Variants in BSN observed in about 807,000 individuals in gnomAD.
BSN encodes the protein bassoon presynaptic cytomatrix protein.
Under a neutral mutation model 264.8 loss-of-function variants are expected in BSN, and 57 were observed. The ratio of observed to expected loss-of-function variants is 0.22; its 90% CI spans 0.17 to 0.27. The LOEUF (loss-of-function observed/expected upper bound fraction) is 0.27. Ranked by LOEUF, BSN falls within the 10% of genes least tolerant of loss-of-function variation. The pLI is 1.00. For synonymous variants in BSN, 2,059 were observed against 2,137.3 expected, an observed-to-expected ratio of 0.96 and a Z score of 1.01; for missense variants, 4,615 against 5,232.5, an observed-to-expected ratio of 0.88 and a Z score of 3.64.
Position 49,624,878 on chromosome 3 carries a change from G to A in BSN, c.225-97G>A, listed in dbSNP as rs573611462. 263 of 1,155,574 alleles carry A rather than the reference G, an allele frequency of 2.3e-4. 1 individual carries two copies. In the South Asian group the frequency reaches 2.9e-3, roughly 13 times the overall value. The allele number at this position is 1,155,574 out of a possible 1,614,324, so 71.6% of individuals were successfully genotyped here. ...TCTTCTGGGCAGGAGGAAGAGGGTG[G>A]TGATGGGGCTTGGCAGGGTCACCTA... is the stretch of plus-strand genomic sequence containing the variant. On this transcript the variant is annotated intron_variant, in intron 1 of 11. Coordinates refer to ENST00000296452, the MANE Select transcript of BSN (RefSeq NM_003458.4).
chr3:49,562,778 C>A (rs752844331), intron 1 of BSN, among the ~76,000 whole-genome samples: 2 of 152,062 alleles, frequency 1.3e-5, no homozygotes, highest in African/African-American at 2.4e-5. Flanking sequence ...GGGAAAGGGT[C>A]AGAAAGTAGG....
At position 49,654,440 on chromosome 3, in the gene BSN, A is replaced by T. The variant is rs755420227; in HGVS notation, c.4884A>T (p.Ala1628=). Residue 1628 remains alanine, a synonymous_variant, in exon 5 of 12, where the codon GCA becomes GCT. Transcript: ENST00000296452. This position sits in a 1 kb window ranked among gnomAD's most constrained non-coding sequence, Gnocchi z 4.1. ...VPSAGADGPL[A]LYGWGALPAE... The stretch of plus-strand genomic sequence containing the variant: ...GTGCTGGTGCAGATGGGCCCCTGGC[A>T]CTATATGGCTGGGGTGCCCTCCCTG... 54 of 1,601,738 alleles carry T rather than the reference A, an allele frequency of 3.4e-5. No individual in the cohort carries two copies. The highest frequency in any genetic ancestry group is 3.4e-6 in the Non-Finnish European group (4 of 1,174,768).
At chr3:49,644,035 C>T (rs2052487740) in intron 3 of BSN, among the ~76,000 whole-genome samples, 1 of 152,192 alleles carries the variant, frequency 6.6e-6, no homozygotes, top group African/African-American at 2.4e-5. Flanking sequence ...TTCTGCTCCT[C>T]CCTCAGTCCT....
At chr3:49,555,179 C>A (rs2051655600) in intron 1 of BSN, among the ~76,000 whole-genome samples, 1 of 152,198 alleles carries the variant, frequency 6.6e-6, no homozygotes, top group South Asian at 2.1e-4. Flanking sequence ...TGGAAAACGT[C>A]CTCCCTGTCT....
At position 49,656,133 on chromosome 3, in the gene BSN, A is replaced by G; in HGVS notation, c.6577A>G (p.Met2193Val). The G allele has an allele frequency of 6.2e-7, 1 of 1,613,014 alleles. No homozygotes were observed. Among genetic ancestry groups the G allele is most frequent in the Non-Finnish European group, 8.5e-7 (1 of 1,179,970 alleles). Residue 2193 changes from methionine to valine, a missense_variant, in exon 5 of 12, where the codon ATG becomes GTG. Met to Val is a conservative substitution (Grantham distance 21). Coordinates refer to ENST00000296452, the MANE Select transcript of BSN (RefSeq NM_003458.4). ...STATVRAADG[M>V]IYSTINTPIA... Reference sequence around the variant, plus strand: ...AGCCACTGTACGTGCAGCTGATGGCATGATCTACTCGACTATCAATACCCC... The same window carrying G: ...AGCCACTGTACGTGCAGCTGATGGCGTGATCTACTCGACTATCAATACCCC...
At chr3:49,629,662 G>A (rs1223274042) in intron 2 of BSN, among the ~76,000 whole-genome samples, 1 of 152,224 alleles carries the variant, frequency 6.6e-6, no homozygotes, top group Non-Finnish European at 1.5e-5. Context: ...CTGCATGCCC[G>A]AGCCTCCAGT....
At position 49,663,871 on chromosome 3, in the gene BSN, G is replaced by C. The variant is rs1484105432; in HGVS notation, c.11593G>C (p.Gly3865Arg). 1 of 1,613,718 alleles carries C rather than the reference G, an allele frequency of 6.2e-7. No homozygotes were observed. The highest frequency in any genetic ancestry group is 1.1e-5 in the South Asian group (1 of 91,062). Residue 3865 changes from glycine (G) to arginine (R), a missense_variant, in exon 8 of 12, where the codon GGA (glycine) becomes CGA (arginine). Gly to Arg is a moderately radical substitution (Grantham distance 125). Coordinates refer to ENST00000296452, the MANE Select transcript of BSN (RefSeq NM_003458.4). ...GRAPQAQPAP[G>R]PGPAGVKAGA... ...GGCTCCTCAGGCCCAGCCAGCACCA[G>C]GACCTGGACCTGCAGGTGAGCCTAT... is the stretch of plus-strand genomic sequence containing the variant.
intron 1 of BSN, among the ~76,000 whole-genome samples, chr3:49,581,418 A>G (rs765230707): frequency 2.0e-5 from 3 of 152,204 alleles, no homozygotes; most frequent in Non-Finnish European, 4.4e-5. Flanking sequence ...GAACACATTC[A>G]TATAGCTTTT....
intron 1 of BSN, 92 bp from the exon 2 acceptor site, chr3:49,624,883 G>A (rs2052330805): frequency 6.5e-6 from 8 of 1,238,602 alleles, no homozygotes; most frequent in Non-Finnish European, 8.8e-6. Flanking sequence ...GGGTGGTGAT[G>A]GGGCTTGGCA....
At chr3:49,636,345 A>C (rs1159654182) in intron 2 of BSN, among the ~76,000 whole-genome samples, 1 of 152,130 alleles carries the variant, frequency 6.6e-6, no homozygotes, top group Non-Finnish European at 1.5e-5. Flanking sequence ...GGCTAGTCCA[A>C]GGGTCCAGCC....
rs759788566 is a variant in BSN at position 49,661,012 on chromosome 3, T to A, written c.9167T>A (p.Phe3056Tyr). ...CCCACTGCCTTCCAGCAGCCCCGCT[T>A]CCAGCCTCCAGCCCCACAGTATTCT... is the stretch of plus-strand genomic sequence containing the variant. Reference protein sequence around the residue: ...SGPTAFQQPRFQPPAPQYSAG... With the variant: ...SGPTAFQQPRYQPPAPQYSAG... Residue 3056 changes from phenylalanine (F) to tyrosine (Y), a missense_variant, in exon 6 of 12, where the codon TTC becomes TAC. Transcript: ENST00000296452. The A allele has an allele frequency of 3.7e-6, 6 of 1,610,988 alleles. No individual in the cohort carries two copies. The highest frequency in any genetic ancestry group is 4.2e-6 in the Non-Finnish European group (5 of 1,179,846).
intron 8 of BSN, 50 bp downstream of exon 8, chr3:49,663,936 G>A: frequency 6.4e-7 from 1 of 1,556,246 alleles, no homozygotes; most frequent in Non-Finnish European, 8.8e-7. Context: ...CACCCAGGCT[G>A]TTCTCTCTCT....
At chr3:49,584,180 C>T (rs561445449) in intron 1 of BSN, among the ~76,000 whole-genome samples, 3 of 152,088 alleles carry the variant, frequency 2.0e-5, no homozygotes, top group East Asian at 1.9e-4. Context: ...CCACCACGCC[C>T]GGCCAATCCT....
In BSN at chr3:49,662,507, G is replaced by A; in HGVS notation, c.10662G>A (p.Lys3554=). ...ACGGACCTCGGGCCCACGCATATAA[G>A]CGTGAGGAGGGCTACATCCTGGATG... ...VKDGPRAHAY[K]REEGYILDDS... is the part of the protein sequence containing the mutation. The change falls in exon 6 of 12, where the codon AAG becomes AAA. Residue 3554 remains lysine, a synonymous_variant. Coordinates refer to ENST00000296452, the MANE Select transcript of BSN (RefSeq NM_003458.4). 6.2e-7 allele frequency: 1 copy of A among 1,611,692 alleles called. No individual in the cohort carries two copies.
At chr3:49,611,599 G>A (rs2052207034) in intron 1 of BSN, among the ~76,000 whole-genome samples, 1 of 152,216 alleles carries the variant, frequency 6.6e-6, no homozygotes, top group African/African-American at 2.4e-5. Context: ...AAAGGTGGTT[G>A]AGAATTTACC....
chr3:49,638,614 C>T lies in BSN; in HGVS notation c.634-3654C>T, dbSNP rs139157128. ...TCTGGAAGAGGCTGGATAGAAATAG[C>T]TGCACCCATCTGGGCGATGAGTCAC... On this transcript the variant is annotated intron_variant, in intron 2 of 11. Coordinates refer to ENST00000296452, the MANE Select transcript of BSN (RefSeq NM_003458.4). This position sits in a 1 kb window ranked among gnomAD's most constrained non-coding sequence, Gnocchi z 4.3. Among the ~76,000 whole-genome samples the T allele has an allele frequency of 6.6e-6, 1 of 152,324 alleles. No individual in the cohort carries two copies. Among genetic ancestry groups the T allele is most frequent in the East Asian group, 1.9e-4 (1 of 5,178 alleles).
rs201112949 is a variant in BSN, at chr3:49,661,281, C to T, written c.9436C>T (p.Arg3146Cys). 4.3e-5 allele frequency: 69 copies of T among 1,613,834 alleles called. 1 individual carries two copies. In the East Asian group the frequency reaches 1.2e-3, roughly 28 times the overall value. Residue 3146 changes from arginine to cysteine, a missense_variant, in exon 6 of 12, where the codon CGC (arginine) becomes TGC (cysteine). Physicochemically the swap from Arg to Cys is radical, Grantham distance 180. Transcript: ENST00000296452. ...ADSRAPLQKP[R>C]QTSLADLEQK... The stretch of plus-strand genomic sequence containing the variant: ...TAGCCGTGCCCCACTGCAGAAGCCA[C>T]GCCAGACATCGCTAGCCGACTTGGA...
chr3:49,560,869 C>T lies in BSN; in HGVS notation c.224+6043C>T, dbSNP rs139243680. On this transcript the variant is annotated intron_variant, in intron 1 of 11. Coordinates refer to ENST00000296452, the MANE Select transcript of BSN (RefSeq NM_003458.4). ...TCGGGCTTCTAGTGGGGGTCTGTTG[C>T]CCCCTAGCATTCTCTTGGCCCATTT... 7.9e-5 allele frequency among the ~76,000 whole-genome samples: 12 copies of T among 152,240 alleles called. No homozygotes were observed. In the East Asian group the frequency reaches 2.3e-3, roughly 29 times the overall value.
chr3:49,579,971 C>T (rs952193048), intron 1 of BSN, among the ~76,000 whole-genome samples: 4 of 151,496 alleles, frequency 2.6e-5, no homozygotes, highest in African/African-American at 9.7e-5. Flanking sequence ...ATATTAAATC[C>T]TTTCTATATG....
Sources: gnomAD v4.1 joint callset for allele counts (sites outside exome capture counted in the v4.1 genomes callset) on GRCh38, gnomAD v4.1.1 for gene constraint, Gnocchi (gnomAD v3.1) non-coding constraint, MANE v1.5 for transcripts, NCBI Gene and HGNC (gene_info 2026-07-23, HGNC 2026-07-21) for gene names.